LEF1: variants seen among roughly 807,000 people sequenced by gnomAD.
The protein encoded by LEF1 is lymphoid enhancer-binding factor 1.
Under a neutral mutation model 51.2 loss-of-function variants are expected in LEF1, and 14 were observed. The observed-to-expected ratio is 0.27, with a 90% CI of 0.18 to 0.43. LEF1 has a LOEUF of 0.43. Among genes scored for constraint, LEF1 ranks in the 20% least tolerant of loss-of-function variants. The pLI is 1.00. For synonymous variants in LEF1, 185 were observed against 183.2 expected (o/e 1.01, Z -0.08); for missense variants, 386 against 512.0 (o/e 0.75, Z 2.37).
Position 108,074,788 on chromosome 4 carries a change from G to A in LEF1, c.1008+3432C>T, listed in dbSNP as rs73839814. Reference sequence around the variant, plus strand: ...GAACCATCCTTTAGGACACATGCTCGGATCTGGGGATTGTTAAGGGAGCTG... The same window carrying A: ...GAACCATCCTTTAGGACACATGCTCAGATCTGGGGATTGTTAAGGGAGCTG... On this transcript the variant is annotated intron_variant, in intron 8 of 11. Coordinates refer to ENST00000265165, the MANE Select transcript of LEF1 (RefSeq NM_016269.5). Among the ~76,000 whole-genome samples, 1,171 of 152,292 alleles carry A rather than the reference G, an allele frequency of 7.7e-3. 11 individuals are homozygous for A. The highest frequency in any genetic ancestry group is 0.027 in the African/African-American group (1,115 of 41,546).
At chr4:108,126,085 A>G (rs1742508620) in intron 3 of LEF1, among the ~76,000 whole-genome samples, 1 of 152,196 alleles carries the variant, frequency 6.6e-6, no homozygotes, top group African/African-American at 2.4e-5. Context: ...TCTAGTGGTC[A>G]TAACTATGTT....
At chr4:108,166,539 G>A (rs1047796420) in intron 1 of LEF1, 16 of 1,282,418 alleles carry the variant, frequency 1.2e-5, no homozygotes, top group African/African-American at 1.5e-5. Flanking sequence ...CGGGTATCAG[G>A]GTCCATCCGC....
chr4:108,122,596 G>T (rs140998948), intron 3 of LEF1, among the ~76,000 whole-genome samples: 1 of 152,226 alleles, frequency 6.6e-6, no homozygotes, highest in East Asian at 1.9e-4. Flanking sequence ...TTCTACCTCA[G>T]CCTCTTGAGT....
At position 108,165,112 on chromosome 4, in the gene LEF1, C is replaced by T. The variant is rs765976937; in HGVS notation, c.265G>A (p.Glu89Lys). The change falls in exon 2 of 12, where the codon GAA becomes AAA. Residue 89 changes from glutamate (E) to lysine (K), a missense_variant. By Grantham distance (56) the Glu-to-Lys change is moderately conservative. Coordinates refer to ENST00000265165, the MANE Select transcript of LEF1 (RefSeq NM_016269.5). ...GGTGTCTTACCGTCATCGGGGTGTT[C>T]TCTGGCCTTGTCGTGGTAGGGCTCC... ...SQEPYHDKAREHPDDGKHPDG... is the reference protein window; with the variant it reads ...SQEPYHDKARKHPDDGKHPDG... The T allele has an allele frequency of 6.2e-7, 1 of 1,614,120 alleles. No homozygotes were observed. Among genetic ancestry groups the T allele is most frequent in the Admixed American group, 1.7e-5 (1 of 60,026 alleles).
At chr4:108,109,367 T>G (rs1398507096) in intron 3 of LEF1, among the ~76,000 whole-genome samples, 3 of 152,218 alleles carry the variant, frequency 2.0e-5, no homozygotes, top group African/African-American at 7.2e-5. Context: ...CAAGTTGTTT[T>G]CCAGTATGGA....
intron 9 of LEF1, among the ~76,000 whole-genome samples, chr4:108,065,518 C>T (rs1738010439): frequency 6.6e-6 from 1 of 152,138 alleles, no homozygotes; most frequent in African/African-American, 2.4e-5. Context: ...TGAAAGAAGA[C>T]TCCATTATTT....
At chr4:108,070,886 T>A in intron 8 of LEF1, 116 bp from the exon 9 acceptor site, 1 of 740,284 alleles carries the variant, frequency 1.4e-6, no homozygotes, top group Non-Finnish European at 2.2e-6. Flanking sequence ...GATTTATTTT[T>A]AAATTGCAGA....
chr4:108,143,086 G>A (rs1171841005), intron 3 of LEF1, among the ~76,000 whole-genome samples: 1 of 152,138 alleles, frequency 6.6e-6, no homozygotes, highest in Non-Finnish European at 1.5e-5. Flanking sequence ...GCGAACAAAA[G>A]CCATCTTTGT....
chr4:108,077,524 G>A (rs1809022), intron 8 of LEF1, among the ~76,000 whole-genome samples: 62 of 22,696 alleles, frequency 2.7e-3, no homozygotes, highest in African/African-American at 5.5e-3. Flanking sequence ...GCCTCTGCCC[G>A]GCTGCCGCCC....
At chr4:108,059,112 G>A (rs1553947431) in intron 11 of LEF1, among the ~76,000 whole-genome samples, 1 of 152,112 alleles carries the variant, frequency 6.6e-6, no homozygotes, top group African/African-American at 2.4e-5. Context: ...CCACATTAAT[G>A]GTAATTTATT....
rs1739418395 is a variant in LEF1, at chr4:108,083,073, A to G, written c.638+283T>C. ...CACTGAGCACTAACTTTGTACAGGC[A>G]TAGCAAATGCCCAAAGCCACAAAGG... On this transcript the variant is annotated intron_variant, in intron 5 of 11. Transcript: ENST00000265165. The G allele has an allele frequency of 9.5e-6, 4 of 421,126 alleles. No individual in the cohort carries two copies. In the South Asian group the frequency reaches 9.9e-5, roughly 10 times the overall value. 26.1% of individuals were successfully genotyped at this position (421,126 alleles called of 1,614,324 possible). A position where few individuals can be genotyped will look rare whatever the true frequency, so the allele number is the denominator to read the frequency against.
chr4:108,152,712 T>C (rs1744430386), intron 3 of LEF1, among the ~76,000 whole-genome samples: 1 of 152,232 alleles, frequency 6.6e-6, no homozygotes, highest in Admixed American at 6.5e-5. Context: ...TAAAAGCGCA[T>C]CTACATGACC....
chr4:108,060,120 C>T (rs553867419), intron 11 of LEF1, among the ~76,000 whole-genome samples: 5 of 152,172 alleles, frequency 3.3e-5, no homozygotes, highest in South Asian at 4.2e-4. Flanking sequence ...GGCAATGCTT[C>T]GAATATCCCA....
rs535432742 is a variant in LEF1 at position 108,135,174 on chromosome 4, T to G, written c.414+28394A>C. Among the ~76,000 whole-genome samples, 24 of 152,276 alleles carry G rather than the reference T, an allele frequency of 1.6e-4. No individual in the cohort carries two copies. In the South Asian group the frequency reaches 4.6e-3, roughly 29 times the overall value. On this transcript the variant is annotated intron_variant, in intron 3 of 11. Coordinates refer to ENST00000265165, the MANE Select transcript of LEF1 (RefSeq NM_016269.5). ...TTGAGCCCAGGTGTCAAGACGCTAT[T>G]AAGACTCTAAAACCTGCAGCGCATT...
At chr4:108,115,840 A>AACACACACACACACACACACACACAC (rs1470691059) in intron 3 of LEF1, among the ~76,000 whole-genome samples, 3 of 81,060 alleles carry the variant, frequency 3.7e-5, no homozygotes, top group African/African-American at 1.6e-4. Flanking sequence ...CCTATAATGT[A>AACACACACACACACACACACACACAC]ACACATACAC....
chr4:108,104,497 A>G (rs975822810), intron 3 of LEF1, among the ~76,000 whole-genome samples: 28 of 146,844 alleles, frequency 1.9e-4, no homozygotes, highest in Admixed American at 2.7e-4. Flanking sequence ...AAATTATTAT[A>G]TAATAATAAT....
At chr4:108,165,585 A>G (rs1255015301) in intron 1 of LEF1, among the ~76,000 whole-genome samples, 1 of 152,208 alleles carries the variant, frequency 6.6e-6, no homozygotes, top group Non-Finnish European at 1.5e-5. Context: ...AGGCTGAAAT[A>G]TCATTTTGCA....
chr4:108,120,044 T>C (rs1215149554), intron 3 of LEF1, among the ~76,000 whole-genome samples: 5 of 150,966 alleles, frequency 3.3e-5, no homozygotes, highest in African/African-American at 1.2e-4. Context: ...TGTATGTATA[T>C]ATTTAAAAGA....
intron 3 of LEF1, chr4:108,104,624 T>A: frequency 1.1e-6 from 1 of 948,812 alleles, no homozygotes; most frequent in Non-Finnish European, 1.3e-6. Context: ...AAGTACGACA[T>A]ATTGTATATG....
Sources: gnomAD v4.1 joint callset for allele counts (sites outside exome capture counted in the v4.1 genomes callset) on GRCh38, gnomAD v4.1.1 for gene constraint, MANE v1.5 for transcripts, NCBI Gene and HGNC (gene_info 2026-07-23, HGNC 2026-07-21) for gene names.